Variants in SPATS2 observed in about 807,000 individuals in gnomAD.
The protein encoded by SPATS2 is spermatogenesis-associated serine-rich protein 2.
Under a neutral mutation model 63.7 loss-of-function variants are expected in SPATS2, and 38 were observed. That is an observed-to-expected ratio of 0.60 (90% CI 0.46 to 0.78). The LOEUF is 0.78. SPATS2 is among the 30% of genes least tolerant of loss of function. The probability of loss-of-function intolerance (pLI) is 0.00; values close to 1 mark genes in which losing one functional copy is unlikely to be tolerated. For missense variants in SPATS2, 588 were observed against 666.2 expected, an observed-to-expected ratio of 0.88 and a Z score of 1.29; for synonymous variants, 207 against 232.9, an observed-to-expected ratio of 0.89 and a Z score of 1.01.
intron 4 of SPATS2, 39 bp from the exon 5 acceptor site, chr12:49,489,426 A>G: frequency 6.4e-7 from 1 of 1,553,276 alleles, no homozygotes; most frequent in African/African-American, 1.4e-5. Flanking sequence ...CTAGTGACCT[A>G]CTAATGTTAG....
intron 2 of SPATS2, among the ~76,000 whole-genome samples, chr12:49,383,218 C>G (rs1011817282): frequency 1.3e-5 from 2 of 151,798 alleles, no homozygotes; most frequent in African/African-American, 4.8e-5. Flanking sequence ...GGGGTTTCAC[C>G]ATGTTTGCCA....
At chr12:49,469,544 A>T in intron 3 of SPATS2, 3 of 170,968 alleles carry the variant, frequency 1.8e-5, no homozygotes, top group South Asian at 1.3e-4. Flanking sequence ...TGGGTCTCTA[A>T]AAAAAAAAAA....
intron 2 of SPATS2, among the ~76,000 whole-genome samples, chr12:49,376,904 A>G (rs1944116349): frequency 6.6e-6 from 1 of 151,752 alleles, no homozygotes; most frequent in Non-Finnish European, 1.5e-5. Context: ...TTTTCAGTAG[A>G]GACAGGTTTC....
chr12:49,469,680 C>G (rs907897554), intron 3 of SPATS2: 1 of 363,910 alleles, frequency 2.7e-6, no homozygotes, highest in East Asian at 7.7e-5. Context: ...CACTTGAGGT[C>G]AGGAGTTCAA....
chr12:49,454,043 T>G (rs1265126821), intron 2 of SPATS2, among the ~76,000 whole-genome samples: 1 of 151,916 alleles, frequency 6.6e-6, no homozygotes, highest in Non-Finnish European at 1.5e-5. Context: ...TTTTGTATTT[T>G]TAGTAGAGAC....
At chr12:49,470,270 G>T (rs530966723) in intron 3 of SPATS2, among the ~76,000 whole-genome samples, 41 of 152,200 alleles carry the variant, frequency 2.7e-4, no homozygotes, top group African/African-American at 9.4e-4. Context: ...GACCTCAGGA[G>T]ATCCTCCTGC....
chr12:49,448,437 C>G (rs1945556421), intron 2 of SPATS2, among the ~76,000 whole-genome samples: 1 of 151,906 alleles, frequency 6.6e-6, no homozygotes, highest in African/African-American at 2.4e-5. Context: ...CCACGCCTGG[C>G]TATTATGTTT....
At chr12:49,387,681 A>G (rs1944343500) in intron 2 of SPATS2, among the ~76,000 whole-genome samples, 1 of 146,418 alleles carries the variant, frequency 6.8e-6, no homozygotes, top group Admixed American at 6.8e-5. Context: ...ATGGGAGATG[A>G]GAGATGTGGG....
chr12:49,436,952 C>G (rs1316388973), intron 2 of SPATS2, among the ~76,000 whole-genome samples: 1 of 138,858 alleles, frequency 7.2e-6, no homozygotes, highest in Non-Finnish European at 1.6e-5. Flanking sequence ...GCTGGCCGGG[C>G]AGGGGGCTAA....
At chr12:49,470,978 A>G (rs916182711) in intron 3 of SPATS2, among the ~76,000 whole-genome samples, 4 of 152,252 alleles carry the variant, frequency 2.6e-5, no homozygotes, top group Admixed American at 1.3e-4. Flanking sequence ...CAATGTGAAC[A>G]TGAGTAATAG....
intron 2 of SPATS2, among the ~76,000 whole-genome samples, chr12:49,385,845 T>TTGTC (rs1944306495): frequency 7.6e-6 from 1 of 131,888 alleles, no homozygotes; most frequent in African/African-American, 3.7e-5. Flanking sequence ...TGTTTTTTGT[T>TTGTC]TGTTTGTTTG....
At chr12:49,436,624 C>A (rs1181171242) in intron 2 of SPATS2, among the ~76,000 whole-genome samples, 10 of 131,522 alleles carry the variant, frequency 7.6e-5, no homozygotes, top group East Asian at 2.4e-4. Context: ...CCCCACCTCC[C>A]TCCCGGACGG....
chr12:49,478,519 TATTGGCTGTGTTCAGTCTGAA>T (rs1946155450), intron 3 of SPATS2, among the ~76,000 whole-genome samples: 1 of 152,130 alleles, frequency 6.6e-6, no homozygotes, highest in Non-Finnish European at 1.5e-5. Context: ...TATGGTCCAA[TATTGGCTGTGTTCAGTCTGAA>T]GGAGAACTTC....
chr12:49,387,713 A>C (rs537001433), intron 2 of SPATS2, among the ~76,000 whole-genome samples: 1 of 150,220 alleles, frequency 6.7e-6, no homozygotes, highest in East Asian at 1.9e-4. Context: ...TCTTTGATGG[A>C]CAGCATAAGC....
intron 3 of SPATS2, chr12:49,462,526 C>A: frequency 1.5e-6 from 1 of 688,124 alleles, no homozygotes; most frequent in South Asian, 1.5e-5. Flanking sequence ...TGCCCTCTGC[C>A]AGCAAGGGCA....
intron 3 of SPATS2, among the ~76,000 whole-genome samples, chr12:49,467,482 T>C (rs141473718): frequency 1.3e-5 from 2 of 152,280 alleles, no homozygotes; most frequent in South Asian, 2.1e-4. Context: ...TTCCCACAGA[T>C]TGCTAATGCA....
chr12:49,464,628 A>C (rs1183422575), intron 3 of SPATS2, among the ~76,000 whole-genome samples: 1 of 71,414 alleles, frequency 1.4e-5, no homozygotes, highest in East Asian at 2.4e-4. Context: ...ACTCCATCTT[A>C]AAAAAAAAAA....
chr12:49,521,228 A>G (rs984329588), intron 11 of SPATS2, among the ~76,000 whole-genome samples: 15 of 152,178 alleles, frequency 9.9e-5, no homozygotes, highest in African/African-American at 3.6e-4. Context: ...CTGAGAGAAC[A>G]CTTGCTGCAG....
chr12:49,461,898 C>T (rs1945827936), intron 3 of SPATS2, among the ~76,000 whole-genome samples: 1 of 152,146 alleles, frequency 6.6e-6, no homozygotes, highest in African/African-American at 2.4e-5. Context: ...ATTACTAAAG[C>T]TGAACTGTTC....
Sources: allele counts gnomAD v4.1 joint callset (sites outside exome capture counted in the v4.1 genomes callset), GRCh38; gene constraint gnomAD v4.1.1; transcripts MANE v1.5; gene names NCBI Gene and HGNC (gene_info 2026-07-23, HGNC 2026-07-21).